Variants in CPNE5 observed in about 807,000 individuals in gnomAD.
CPNE5 encodes the protein copine 5.
CPNE5 carries 42 observed loss-of-function variants against 81.1 expected under a neutral mutation model. The ratio of observed to expected loss-of-function variants is 0.52; its 90% CI spans 0.40 to 0.67. The LOEUF (loss-of-function observed/expected upper bound fraction) is 0.67, where lower values mean the gene tolerates loss of function less well. Among genes scored for constraint, CPNE5 ranks in the 30% least tolerant of loss-of-function variants. The pLI is 0.00. For synonymous variants in CPNE5, 313 were observed against 321.5 expected, an observed-to-expected ratio of 0.97 and a Z score of 0.28; for missense variants, 612 against 815.5, an observed-to-expected ratio of 0.75 and a Z score of 3.04.
In CPNE5 at chr6:36,766,583, T is replaced by C. The variant is rs1268662930; in HGVS notation, c.738-1207A>G. Among the ~76,000 whole-genome samples, 1 of 151,836 alleles carries C rather than the reference T, an allele frequency of 6.6e-6. No homozygotes were observed. Among genetic ancestry groups the C allele is most frequent in the Non-Finnish European group, 1.5e-5 (1 of 67,986 alleles). The stretch of plus-strand genomic sequence containing the variant: ...AATTATTGTGGAAAGGAAAAAAAAA[T>C]CACCTAAGCCCCTGAAGGTGGGTTG... On this transcript the variant is annotated intron_variant, in intron 10 of 20. Transcript: ENST00000244751. This position sits in a 1 kb window ranked among gnomAD's most constrained non-coding sequence, Gnocchi z 4.2.
chr6:36,835,858 C>G (rs1016435161), intron 1 of CPNE5, among the ~76,000 whole-genome samples: 50 of 151,876 alleles, frequency 3.3e-4, no homozygotes, highest in African/African-American at 1.2e-3. Flanking sequence ...CACACACAGA[C>G]CCTGGGAGCC....
chr6:36,753,159 C>T (rs935435206), intron 13 of CPNE5, 64 bp from the exon 14 acceptor site: 16 of 1,335,298 alleles, frequency 1.2e-5, no homozygotes, highest in South Asian at 5.9e-5. Flanking sequence ...GGTTATGATT[C>T]GAGAGCTGAC....
intron 5 of CPNE5, 107 bp from the exon 6 acceptor site, chr6:36,798,348 G>T: frequency 6.7e-7 from 1 of 1,500,840 alleles, no homozygotes; most frequent in Non-Finnish European, 9.3e-7. Context: ...TTAAATGACA[G>T]GACGCAGCGT....
At chr6:36,768,265 C>T (rs1218241961) in intron 10 of CPNE5, among the ~76,000 whole-genome samples, 1 of 35,106 alleles carries the variant, frequency 2.8e-5, no homozygotes, top group Non-Finnish European at 7.2e-5. Flanking sequence ...GACAGAGTCT[C>T]GCTCTGTCGC....
chr6:36,805,958 C>T (rs1026976163), intron 3 of CPNE5, among the ~76,000 whole-genome samples: 4 of 152,216 alleles, frequency 2.6e-5, no homozygotes, highest in African/African-American at 9.6e-5. Flanking sequence ...CTCTGCTACA[C>T]GTGACAGCTG....
At chr6:36,771,803 G>C (rs1344100925) in intron 10 of CPNE5, among the ~76,000 whole-genome samples, 3 of 151,374 alleles carry the variant, frequency 2.0e-5, no homozygotes, top group African/African-American at 7.3e-5. Context: ...CTGAGTGTCT[G>C]TTGGGTGCGT....
chr6:36,786,116 A>G (rs942045180), intron 8 of CPNE5, among the ~76,000 whole-genome samples: 25 of 152,174 alleles, frequency 1.6e-4, no homozygotes, highest in African/African-American at 6.0e-4. Flanking sequence ...GAATTAACAT[A>G]TTGTCTTTTT....
intron 19 of CPNE5, among the ~76,000 whole-genome samples, 168 bp from the exon 20 acceptor site, chr6:36,743,930 C>T (rs1562080749): frequency 6.6e-6 from 1 of 152,200 alleles, no homozygotes; most frequent in Non-Finnish European, 1.5e-5. Context: ...AGGAGGAGCC[C>T]GATCAGGTGA....
intron 6 of CPNE5, among the ~76,000 whole-genome samples, chr6:36,795,351 G>T (rs539868497): frequency 8.5e-5 from 13 of 152,122 alleles, no homozygotes; most frequent in Admixed American, 7.2e-4. Context: ...GCTAATTTTT[G>T]TATTTTTAGT....
intron 4 of CPNE5, 144 bp downstream of exon 4, chr6:36,799,823 T>C: frequency 1.6e-6 from 1 of 627,782 alleles, no homozygotes; most frequent in Non-Finnish European, 2.9e-6. Flanking sequence ...GCAGGCGACT[T>C]CAGCTAATTG....
intron 14 of CPNE5, among the ~76,000 whole-genome samples, 195 bp from the exon 15 acceptor site, chr6:36,748,462 G>C (rs1764435426): frequency 1.3e-5 from 2 of 152,158 alleles, no homozygotes; most frequent in Admixed American, 1.3e-4. Context: ...CAGGATTAAT[G>C]AGCATCAGAA....
chr6:36,838,779 G>C, intron 1 of CPNE5: 2 of 983,394 alleles, frequency 2.0e-6, no homozygotes, highest in Non-Finnish European at 2.4e-6. Flanking sequence ...TAAAATCCTA[G>C]AGTCTAGGAC....
intron 9 of CPNE5, among the ~76,000 whole-genome samples, chr6:36,777,249 C>T (rs2150459411): frequency 6.6e-6 from 1 of 152,286 alleles, no homozygotes; most frequent in South Asian, 2.1e-4. Flanking sequence ...CCTTCCTCCC[C>T]TCCCCAGTTC....
At chr6:36,758,683 C>T (rs910681122) in intron 12 of CPNE5, among the ~76,000 whole-genome samples, 4 of 152,098 alleles carry the variant, frequency 2.6e-5, no homozygotes, top group Non-Finnish European at 5.9e-5. Context: ...GAAGTGACCA[C>T]GCCTCTTGGG....
intron 12 of CPNE5, among the ~76,000 whole-genome samples, chr6:36,761,795 C>A (rs958405632): frequency 2.0e-5 from 3 of 152,224 alleles, no homozygotes; most frequent in Admixed American, 2.0e-4. Flanking sequence ...CGAACACAAG[C>A]AGTTATTTGG....
intron 6 of CPNE5, among the ~76,000 whole-genome samples, chr6:36,797,620 C>G (rs1218957844): frequency 6.6e-6 from 1 of 152,216 alleles, no homozygotes; most frequent in Admixed American, 6.5e-5. Context: ...CTGTGAGAAG[C>G]CTTGGATTCC....
intron 8 of CPNE5, among the ~76,000 whole-genome samples, chr6:36,781,960 TC>T (rs1768068087): frequency 6.6e-6 from 1 of 152,130 alleles, no homozygotes; most frequent in Non-Finnish European, 1.5e-5. Flanking sequence ...AGAGCTCTAG[TC>T]CTGGCTCTGC....
Position 36,782,816 on chromosome 6 carries a change from AACACACACACAC to A in CPNE5, c.529-3871_529-3860del, listed in dbSNP as rs3997726. ...TCTCAAATAATAAAACAAAAACCAA[AACACACACACAC>A]ACACACACACACACACACACACACA... On this transcript the variant is annotated intron_variant, in intron 8 of 20. Transcript: ENST00000244751. 6.8e-3 allele frequency among the ~76,000 whole-genome samples: 862 copies of A among 126,308 alleles called. 7 individuals carry two copies. The highest frequency in any genetic ancestry group is 0.013 in the African/African-American group (414 of 31,536). 82.9% of individuals were successfully genotyped at this position (126,308 alleles called of 152,430 possible). A position where few individuals can be genotyped will look rare whatever the true frequency, so the allele number is the denominator to read the frequency against.
intron 9 of CPNE5, among the ~76,000 whole-genome samples, chr6:36,777,770 A>G (rs1169668610): frequency 4.9e-4 from 3 of 6,166 alleles, no homozygotes; most frequent in Non-Finnish European, 1.3e-3. Flanking sequence ...CCCCCACCAC[A>G]CACACACACA....
Sources: allele counts gnomAD v4.1 joint callset (sites outside exome capture counted in the v4.1 genomes callset), GRCh38; gene constraint gnomAD v4.1.1; non-coding constraint Gnocchi (gnomAD v3.1); transcripts MANE v1.5; gene names NCBI Gene and HGNC (gene_info 2026-07-23, HGNC 2026-07-21).